The following PDK1 variants were observed in gnomAD, a reference collection of about 807,000 sequenced individuals.
PDK1 encodes [Pyruvate dehydrogenase (acetyl-transferring)] kinase isozyme 1, mitochondrial.
A neutral mutation model predicts 54.2 loss-of-function variants in PDK1; 39 were observed. That is an observed-to-expected ratio of 0.72 (90% confidence interval 0.56 to 0.94). PDK1 has a LOEUF of 0.94. Among genes scored for constraint, PDK1 ranks in the 40% least tolerant of loss-of-function variants. PDK1 has a pLI of 0.00. For synonymous variants in PDK1, 221 were observed against 207.1 expected, an observed-to-expected ratio of 1.07 and a Z score of -0.58; for missense variants, 552 against 566.0, an observed-to-expected ratio of 0.98 and a Z score of 0.25.
the PDK1 span, among the ~76,000 whole-genome samples, chr2:172,702,628 G>A: frequency 6.8e-6 from 1 of 147,270 alleles, no homozygotes. Context: ...TTTTAAATTG[G>A]CAGATGCTTC....
chr2:172,595,923 T>A lies in PDK1; in HGVS notation c.1265T>A (p.Val422Asp). Residue 422 changes from valine (V) to aspartate (D), a missense_variant, in exon 11 of 11, where the codon GTC (valine) becomes GAC (aspartate). Transcript: ENST00000282077. ...NTNHEADDWC[V>D]PSREPKDMTT... ...AACCACGAGGCTGATGACTGGTGCGTCCCCAGCAGAGAACCCAAAGACATG... is the reference window on the plus strand; with the variant it reads ...AACCACGAGGCTGATGACTGGTGCGACCCCAGCAGAGAACCCAAAGACATG... 1 of 1,613,740 alleles carries A rather than the reference T, an allele frequency of 6.2e-7. No homozygotes were observed.
At chr2:172,709,539 A>G in the PDK1 span, among the ~76,000 whole-genome samples, 1 of 152,160 alleles carries the variant, frequency 6.6e-6, no homozygotes, top group Non-Finnish European at 1.5e-5. Flanking sequence ...CTTTTCATAC[A>G]TTCTTTGTGA....
chr2:172,600,816 T>G lies in PDK1; in HGVS notation c.*4847T>G, dbSNP rs138841408. On this transcript the variant is annotated 3_prime_UTR_variant, in exon 11 of 11. Coordinates refer to ENST00000282077, the MANE Select transcript of PDK1 (RefSeq NM_002610.5). ...GCTCTTATCCCATTCCTTGACCACATAGGCTCTTAGACTCTTATTCTATGT... is the reference window on the plus strand; with the variant it reads ...GCTCTTATCCCATTCCTTGACCACAGAGGCTCTTAGACTCTTATTCTATGT... 2 of 152,212 alleles carry G rather than the reference T, an allele frequency of 1.3e-5. No homozygotes were observed. The highest frequency in any genetic ancestry group is 2.4e-5 in the African/African-American group (1 of 41,446). 9.4% of individuals were successfully genotyped at this position (152,212 alleles called of 1,614,324 possible). A position where few individuals can be genotyped will look rare whatever the true frequency, so the allele number is the denominator to read the frequency against.
the PDK1 span, among the ~76,000 whole-genome samples, chr2:172,681,934 T>A: frequency 6.6e-6 from 1 of 152,140 alleles, no homozygotes; most frequent in Non-Finnish European, 1.5e-5. Context: ...ATTTTTGTAT[T>A]TTTAGTAGAG....
chr2:172,600,196 G>T lies in PDK1; in HGVS notation c.*4227G>T, dbSNP rs1370250197. 2 of 152,110 alleles carry T rather than the reference G, an allele frequency of 1.3e-5. No individual in the cohort carries two copies. Among genetic ancestry groups the T allele is most frequent in the African/African-American group, 4.8e-5 (2 of 41,412 alleles). The allele number at this position is 152,110 out of a possible 1,614,324, so 9.4% of individuals were successfully genotyped here. ...TATTCTTGCCATGGTTTTGTACTTA[G>T]ATGTCTCTCATTATGGAATTCAGAA... is the stretch of plus-strand genomic sequence containing the variant. On this transcript the variant is annotated 3_prime_UTR_variant, in exon 11 of 11. Transcript: ENST00000282077.
At chr2:172,671,106 A>T in the PDK1 span, among the ~76,000 whole-genome samples, 73 of 150,002 alleles carry the variant, frequency 4.9e-4, no homozygotes, top group African/African-American at 1.2e-3. Context: ...TTTTTTTTTT[A>T]AAAGCACAAC....
the PDK1 span, among the ~76,000 whole-genome samples, chr2:172,688,483 CAA>C: frequency 6.6e-6 from 1 of 152,156 alleles, no homozygotes; most frequent in East Asian, 1.9e-4. Flanking sequence ...GAACCAGTCC[CAA>C]GCCCCATCTT....
downstream of PDK1, among the ~76,000 whole-genome samples, chr2:172,613,549 A>T (rs1465671462): frequency 6.6e-6 from 1 of 151,924 alleles, no homozygotes; most frequent in Non-Finnish European, 1.5e-5. Context: ...CAAACACCAG[A>T]GCTCAAATAA....
At chr2:172,587,819 C>T (rs1053056607) in intron 9 of PDK1, among the ~76,000 whole-genome samples, 2 of 152,136 alleles carry the variant, frequency 1.3e-5, no homozygotes, top group Non-Finnish European at 2.9e-5. Context: ...GCTAGCTAGA[C>T]ACAGAGTGCT....
Position 172,596,243 on chromosome 2 carries a change from G to C in PDK1, c.*274G>C. ...TTTCACTTTGTGGTAGACTTCAGAA[G>C]TGTGGAAATCTTCGGGTTTCTATAG... On this transcript the variant is annotated 3_prime_UTR_variant, in exon 11 of 11. Coordinates refer to ENST00000282077, the MANE Select transcript of PDK1 (RefSeq NM_002610.5). 1 of 245,210 alleles carries C rather than the reference G, an allele frequency of 4.1e-6. No homozygotes were observed. The highest frequency in any genetic ancestry group is 1.6e-4 in the South Asian group (1 of 6,390). The allele number at this position is 245,210 out of a possible 1,614,324, so 15.2% of individuals were successfully genotyped here.
At chr2:172,636,845 A>T in the PDK1 span, among the ~76,000 whole-genome samples, 1 of 152,114 alleles carries the variant, frequency 6.6e-6, no homozygotes, top group Non-Finnish European at 1.5e-5. Flanking sequence ...TGGGGTTCAC[A>T]TTTTAACATG....
the PDK1 span, among the ~76,000 whole-genome samples, chr2:172,718,838 G>A: frequency 3.4e-3 from 519 of 152,230 alleles, 2 homozygotes; most frequent in East Asian, 0.017. Flanking sequence ...TTATTTTTGT[G>A]AAGTATATGT....
At chr2:172,721,742 C>T in the PDK1 span, among the ~76,000 whole-genome samples, 1 of 152,200 alleles carries the variant, frequency 6.6e-6, no homozygotes, top group South Asian at 2.1e-4. Flanking sequence ...TTCATCTTCA[C>T]ATTTGGCTGA....
chr2:172,663,201 C>T, the PDK1 span, among the ~76,000 whole-genome samples: 2 of 152,180 alleles, frequency 1.3e-5, no homozygotes, highest in East Asian at 3.8e-4. Context: ...ACCAGTTTCT[C>T]CCTCTGTCTT....
At chr2:172,629,008 G>A in the PDK1 span, among the ~76,000 whole-genome samples, 1 of 152,072 alleles carries the variant, frequency 6.6e-6, no homozygotes, top group Non-Finnish European at 1.5e-5. Context: ...CATGCCTGTG[G>A]TCCCAGCTAC....
the PDK1 span, among the ~76,000 whole-genome samples, chr2:172,679,271 C>T: frequency 6.6e-6 from 1 of 152,008 alleles, no homozygotes; most frequent in Non-Finnish European, 1.5e-5. Context: ...CATAGTGAGA[C>T]CCTGTCTCTA....
chr2:172,620,010 CA>C, the PDK1 span, among the ~76,000 whole-genome samples: 15 of 152,170 alleles, frequency 9.9e-5, no homozygotes, highest in African/African-American at 3.1e-4. Flanking sequence ...ACTAAAAATA[CA>C]AAAATTAGCC....
chr2:172,686,698 C>G, the PDK1 span, among the ~76,000 whole-genome samples: 8 of 152,194 alleles, frequency 5.3e-5, 1 homozygote, highest in Non-Finnish European at 1.5e-5. Flanking sequence ...CACAATAAAT[C>G]AGCTGTGCCA....
At chr2:172,717,367 C>A in the PDK1 span, among the ~76,000 whole-genome samples, 1 of 152,170 alleles carries the variant, frequency 6.6e-6, no homozygotes, top group African/African-American at 2.4e-5. Flanking sequence ...CTTCCAGATT[C>A]CTGACCCTCA....
Sources: gnomAD v4.1 joint callset for allele counts (sites outside exome capture counted in the v4.1 genomes callset) on GRCh38, gnomAD v4.1.1 for gene constraint, MANE v1.5 for transcripts, NCBI Gene and HGNC (gene_info 2026-07-23, HGNC 2026-07-21) for gene names.